Variants in UBE2D2 observed in about 807,000 individuals in gnomAD.
UBE2D2 encodes ubiquitin conjugating enzyme E2 D2.
Under a neutral mutation model 24.2 loss-of-function variants are expected in UBE2D2, and 2 were observed. The ratio of observed to expected loss-of-function variants is 0.08; its 90% CI spans 0.03 to 0.26. The LOEUF is 0.26. Ranked by LOEUF, UBE2D2 falls within the 10% of genes least tolerant of loss-of-function variation. The pLI is 1.00. For missense variants in UBE2D2, 44 were observed against 177.6 expected (o/e 0.25, Z 4.28); for synonymous variants, 58 against 56.5 (o/e 1.03, Z -0.12).
chr5:139,560,751 A>G (rs774389829), upstream of UBE2D2, among the ~76,000 whole-genome samples: 3 of 152,194 alleles, frequency 2.0e-5, no homozygotes, highest in Non-Finnish European at 4.4e-5. Flanking sequence ...CCTCGAAGGC[A>G]CACATACATG....
chr5:139,566,624 G>T (rs1753225562), intron 1 of UBE2D2, among the ~76,000 whole-genome samples: 1 of 152,092 alleles, frequency 6.6e-6, no homozygotes, highest in Non-Finnish European at 1.5e-5. Context: ...GCAGTGAACC[G>T]TGATCAAGCC....
chr5:139,581,380 C>T (rs897233737), intron 1 of UBE2D2, among the ~76,000 whole-genome samples: 5 of 151,622 alleles, frequency 3.3e-5, no homozygotes, highest in Non-Finnish European at 5.9e-5. Flanking sequence ...ACCCAAGAGG[C>T]GGAGGTTGCA....
rs1753098476 is a variant in UBE2D2 at position 139,561,653 on chromosome 5, G to A, written c.-139G>A. On this transcript the variant is annotated 5_prime_UTR_variant, in exon 1 of 7. Transcript: ENST00000398733. ...TGGGCCCCGGCCCTCAGCCCGTCCC[G>A]CCGGACCCGCTTTCCTCAACTCTCC... 5.0e-6 allele frequency: 3 copies of A among 603,218 alleles called. No homozygotes were observed. The highest frequency in any genetic ancestry group is 7.9e-6 in the Non-Finnish European group (3 of 377,558). The allele number at this position is 603,218 out of a possible 1,614,324, so 37.4% of individuals were successfully genotyped here.
chr5:139,600,486 G>A (rs1408324109), intron 2 of UBE2D2, 51 bp downstream of exon 2: 1 of 1,587,946 alleles, frequency 6.3e-7, no homozygotes, highest in Non-Finnish European at 8.6e-7. Flanking sequence ...TGGTTATTTT[G>A]TGTGAAGAAA....
At chr5:139,552,580 C>T (rs1752934726) in intron 1 of UBE2D2, among the ~76,000 whole-genome samples, 1 of 146,720 alleles carries the variant, frequency 6.8e-6, no homozygotes, top group Admixed American at 6.9e-5. Flanking sequence ...GAGATCTCGG[C>T]TCACGGCAAC....
chr5:139,570,585 C>G (rs972684221), intron 1 of UBE2D2, among the ~76,000 whole-genome samples: 1 of 150,370 alleles, frequency 6.7e-6, no homozygotes, highest in African/African-American at 2.5e-5. Context: ...GATCTCGGCT[C>G]ACTGCAACCT....
intron 1 of UBE2D2, among the ~76,000 whole-genome samples, chr5:139,527,604 A>T (rs1006525148): frequency 6.6e-6 from 1 of 152,222 alleles, no homozygotes; most frequent in Admixed American, 6.5e-5. Flanking sequence ...TAAAGGGGAG[A>T]GGCAGAATTT....
At chr5:139,588,261 T>C in intron 1 of UBE2D2, among the ~76,000 whole-genome samples, 1 of 151,238 alleles carries the variant, frequency 6.6e-6, no homozygotes, top group Non-Finnish European at 1.5e-5. Context: ...TTTTTTTTTG[T>C]TTTGTTTTGT....
At chr5:139,616,059 C>T (rs1456230592) in intron 5 of UBE2D2, among the ~76,000 whole-genome samples, 4 of 151,002 alleles carry the variant, frequency 2.6e-5, no homozygotes, top group Non-Finnish European at 4.4e-5. Flanking sequence ...TGGTCTCGAA[C>T]GCCTGACCTT....
intron 1 of UBE2D2, among the ~76,000 whole-genome samples, chr5:139,546,820 TCC>T (rs1561498186): frequency 0.18 from 444 of 2,412 alleles, 2 homozygotes; most frequent in South Asian, 0.39. Context: ...CTTTCTTTCT[TCC>T]TTCCTTCCTT....
At chr5:139,625,133 C>T (rs1163693433) in intron 6 of UBE2D2, among the ~76,000 whole-genome samples, 1 of 151,384 alleles carries the variant, frequency 6.6e-6, no homozygotes, top group Non-Finnish European at 1.5e-5. Flanking sequence ...TCGTGGCTCA[C>T]TGCAGTGTCA....
intron 6 of UBE2D2, among the ~76,000 whole-genome samples, chr5:139,624,583 T>C (rs961272846): frequency 4.6e-5 from 7 of 152,230 alleles, no homozygotes; most frequent in African/African-American, 1.7e-4. Flanking sequence ...GTCAGGAGTT[T>C]GAGACCAGCC....
chr5:139,552,365 G>A (rs1276141447), intron 1 of UBE2D2, among the ~76,000 whole-genome samples: 1 of 151,724 alleles, frequency 6.6e-6, no homozygotes, highest in African/African-American at 2.4e-5. Flanking sequence ...ACGGGGTTTT[G>A]CCATGTTGGC....
At chr5:139,548,193 A>AAAAAAAATAATAAATAAAT in intron 1 of UBE2D2, among the ~76,000 whole-genome samples, 2 of 47,102 alleles carry the variant, frequency 4.2e-5, no homozygotes, top group African/African-American at 1.1e-4. Context: ...ATAAAAAAAA[A>AAAAAAAATAATAAATAAAT]AAATAAATAA....
chr5:139,614,329 G>A (rs900707332), intron 2 of UBE2D2, among the ~76,000 whole-genome samples: 2 of 152,036 alleles, frequency 1.3e-5, no homozygotes, highest in African/African-American at 4.8e-5. Context: ...TCAGCTTCTG[G>A]AAGTGTTGGG....
chr5:139,628,313 A>G lies in UBE2D2; in HGVS notation c.*1512A>G, dbSNP rs1475598868. The G allele has an allele frequency of 6.6e-6, 1 of 152,552 alleles. No homozygotes were observed. The highest frequency in any genetic ancestry group is 1.9e-4 in the East Asian group (1 of 5,198). The allele number at this position is 152,552 out of a possible 1,614,324, so 9.4% of individuals were successfully genotyped here. A position where few individuals can be genotyped will look rare whatever the true frequency, so the allele number is the denominator to read the frequency against. ...CCTTTTTTCCCCCCTTCTTTTCCTA[A>G]TTGTAAACTAGGCCAACCTGAAAGC... On this transcript the variant is annotated 3_prime_UTR_variant, in exon 7 of 7. Coordinates refer to ENST00000398733, the MANE Select transcript of UBE2D2 (RefSeq NM_003339.3).
At chr5:139,554,446 TTC>T (rs1386347830) in intron 1 of UBE2D2, among the ~76,000 whole-genome samples, 3 of 152,224 alleles carry the variant, frequency 2.0e-5, no homozygotes, top group Non-Finnish European at 2.9e-5. Context: ...ACAGCCCATA[TTC>T]TGTTTTTGTT....
At chr5:139,591,005 C>G (rs1753835534) in intron 1 of UBE2D2, among the ~76,000 whole-genome samples, 2 of 151,270 alleles carry the variant, frequency 1.3e-5, no homozygotes, top group African/African-American at 4.9e-5. Context: ...CCATGCTGGT[C>G]AGGCTGGTCT....
chr5:139,560,359 G>A (rs1753048856), upstream of UBE2D2, among the ~76,000 whole-genome samples: 1 of 152,144 alleles, frequency 6.6e-6, no homozygotes, highest in Admixed American at 6.6e-5. Flanking sequence ...CACCATGCCC[G>A]GGTAATTTTT....
Sources: allele counts gnomAD v4.1 joint callset (sites outside exome capture counted in the v4.1 genomes callset), GRCh38; gene constraint gnomAD v4.1.1; transcripts MANE v1.5; gene names NCBI Gene and HGNC (gene_info 2026-07-23, HGNC 2026-07-21).